Variants in ANKRD28 observed in about 807,000 individuals in gnomAD.
ANKRD28 encodes serine/threonine-protein phosphatase 6 regulatory ankyrin repeat subunit A.
A neutral mutation model predicts 126.5 loss-of-function variants in ANKRD28; 44 were observed. The observed-to-expected ratio is 0.35, with a 90% CI of 0.27 to 0.45. The LOEUF is 0.45. ANKRD28 is among the 20% of genes least tolerant of loss of function. The pLI, the probability that ANKRD28 is intolerant of heterozygous loss-of-function variation, is 1.00. For synonymous variants in ANKRD28, 442 were observed against 468.5 expected, an observed-to-expected ratio of 0.94 and a Z score of 0.73; for missense variants, 1,110 against 1,316.6, an observed-to-expected ratio of 0.84 and a Z score of 2.43.
At chr3:15,783,254 A>G (rs2059619266) in intron 2 of ANKRD28, among the ~76,000 whole-genome samples, 1 of 152,028 alleles carries the variant, frequency 6.6e-6, no homozygotes, top group South Asian at 2.1e-4. Context: ...TTGAAAAGAC[A>G]TTTCACCAAA....
chr3:15,784,408 AT>A (rs1237891945), intron 2 of ANKRD28, among the ~76,000 whole-genome samples: 2 of 151,930 alleles, frequency 1.3e-5, no homozygotes, highest in African/African-American at 4.8e-5. Flanking sequence ...TTGTTGTTAG[AT>A]CCTCATACTA....
chr3:15,810,908 C>A (rs1038838812), intron 1 of ANKRD28, among the ~76,000 whole-genome samples: 2 of 152,096 alleles, frequency 1.3e-5, no homozygotes, highest in African/African-American at 4.8e-5. Context: ...GTCATTTAAC[C>A]CATAACTCCT....
At chr3:15,803,748 T>C (rs2060517420) in intron 1 of ANKRD28, among the ~76,000 whole-genome samples, 1 of 116,784 alleles carries the variant, frequency 8.6e-6, no homozygotes, top group Admixed American at 8.5e-5. Context: ...CCAGTGCTTA[T>C]TGGAGTTTAA....
At chr3:15,705,123 G>GT (rs1247707424) in intron 14 of ANKRD28, among the ~76,000 whole-genome samples, 1 of 152,136 alleles carries the variant, frequency 6.6e-6, no homozygotes, top group Non-Finnish European at 1.5e-5. Context: ...ACTTTCCAGT[G>GT]TATCAGGCTG....
At chr3:15,726,293 C>A (rs897813691) in intron 6 of ANKRD28, among the ~76,000 whole-genome samples, 1 of 152,140 alleles carries the variant, frequency 6.6e-6, no homozygotes, top group African/African-American at 2.4e-5. Flanking sequence ...AAAGCTAGGC[C>A]TCCTGTGACA....
intron 1 of ANKRD28, among the ~76,000 whole-genome samples, chr3:15,828,175 G>C (rs1179953173): frequency 1.3e-5 from 2 of 152,168 alleles, no homozygotes; most frequent in African/African-American, 4.8e-5. Context: ...ATCACTTACA[G>C]ATCTGATGAA....
At chr3:15,856,986 G>GT (rs2061786177) in intron 1 of ANKRD28, among the ~76,000 whole-genome samples, 1 of 152,220 alleles carries the variant, frequency 6.6e-6, no homozygotes, top group African/African-American at 2.4e-5. Flanking sequence ...TTAGAAGTCT[G>GT]TATGTCCTTA....
chr3:15,744,599 G>A, intron 4 of ANKRD28, among the ~76,000 whole-genome samples: 1 of 152,086 alleles, frequency 6.6e-6, no homozygotes, highest in East Asian at 1.9e-4. Flanking sequence ...TTCCAGGCGT[G>A]AGCCACCGCG....
intron 2 of ANKRD28, among the ~76,000 whole-genome samples, chr3:15,786,605 T>C (rs1353136372): frequency 1.3e-5 from 2 of 152,128 alleles, no homozygotes; most frequent in East Asian, 1.9e-4. Context: ...TTTATATATA[T>C]GCAGTTTATT....
At position 15,670,264 on chromosome 3, in the gene ANKRD28, A is replaced by G. The variant is rs780891659; in HGVS notation, c.*6T>C. On this transcript the variant is annotated 3_prime_UTR_variant, in exon 28 of 28. Transcript: ENST00000683139. ...TTACTGTGAGAACTCCCTCCTCCTC[A>G]GCCTCTCAGTAGGTCTCAGAATCGG... The G allele has an allele frequency of 5.6e-6, 9 of 1,610,036 alleles. No individual in the cohort carries two copies. The highest frequency in any genetic ancestry group is 3.3e-5 in the Admixed American group (2 of 59,958).
At chr3:15,801,455 G>A (rs987834836), upstream of ANKRD28, among the ~76,000 whole-genome samples, 2 of 152,090 alleles carry the variant, frequency 1.3e-5, no homozygotes, top group African/African-American at 2.4e-5. This position sits in a 1 kb window ranked among gnomAD's most constrained non-coding sequence, Gnocchi z 4.9. Flanking sequence ...TGGCTACTCT[G>A]TGGCAAGTAA....
At chr3:15,829,931 T>A (rs1489193762) in intron 1 of ANKRD28, among the ~76,000 whole-genome samples, 1 of 150,746 alleles carries the variant, frequency 6.6e-6, no homozygotes, top group African/African-American at 2.4e-5. Flanking sequence ...AGTAAAAAGG[T>A]ATTCTATTAA....
In ANKRD28 at chr3:15,668,296, A is replaced by C. The variant is rs1009087586; in HGVS notation, c.*1974T>G. 1 of 152,174 alleles carries C rather than the reference A, an allele frequency of 6.6e-6. No homozygotes were observed. The highest frequency in any genetic ancestry group is 6.6e-5 in the Admixed American group (1 of 15,262). The allele number at this position is 152,174 out of a possible 1,614,324, so 9.4% of individuals were successfully genotyped here. ...TAGAAAATTCCCTCAGGGAATTCAG[A>C]AGAGAATTCCTAAAAGGAAAGAGAA... is the stretch of plus-strand genomic sequence containing the variant. On this transcript the variant is annotated 3_prime_UTR_variant, in exon 28 of 28. Transcript: ENST00000683139.
intron 1 of ANKRD28, among the ~76,000 whole-genome samples, chr3:15,835,610 A>G (rs184955387): frequency 2.8e-4 from 42 of 152,322 alleles, no homozygotes; most frequent in African/African-American, 9.9e-4. Flanking sequence ...TATAAGAATA[A>G]GGTTCAAGTC....
At chr3:15,696,084 T>G (rs1312576366) in intron 15 of ANKRD28, 50 bp downstream of exon 15, 4 of 1,237,168 alleles carry the variant, frequency 3.2e-6, no homozygotes, top group Non-Finnish European at 4.6e-6. Flanking sequence ...TGTTACATTA[T>G]TAGACTATAA....
chr3:15,816,326 G>T lies in ANKRD28; in HGVS notation c.28-21020C>A, dbSNP rs1448228106. 1.3e-5 allele frequency among the ~76,000 whole-genome samples: 2 copies of T among 152,006 alleles called. No individual in the cohort carries two copies. The highest frequency in any genetic ancestry group is 2.1e-4 in the South Asian group (1 of 4,826). On this transcript the variant is annotated intron_variant, in intron 1 of 27. Coordinates refer to the ANKRD28 transcript ENST00000399451. This position sits in a 1 kb window ranked among gnomAD's most constrained non-coding sequence, Gnocchi z 5.0. Reference sequence around the variant, plus strand: ...ATAACTATTTATATGCTAAATGCACGGAATATAGCAGTAAACACAAGAATA... The same window carrying T: ...ATAACTATTTATATGCTAAATGCACTGAATATAGCAGTAAACACAAGAATA...
intron 8 of ANKRD28, among the ~76,000 whole-genome samples, chr3:15,717,853 T>A (rs2470517): frequency 0.72 from 109,747 of 152,068 alleles, 39,805 homozygotes; most frequent in East Asian, 0.93. Flanking sequence ...AATGAATTTA[T>A]AACCTTAGAA....
chr3:15,675,478 T>G (rs560397076), intron 27 of ANKRD28, among the ~76,000 whole-genome samples: 54 of 152,212 alleles, frequency 3.5e-4, no homozygotes, highest in African/African-American at 1.3e-3. Context: ...GCGAAAAATG[T>G]TACTCCAGGA....
At chr3:15,732,471 ACAGAC>A (rs2074708096) in intron 6 of ANKRD28, 1 of 152,302 alleles carries the variant, frequency 6.6e-6, no homozygotes. Flanking sequence ...AGTGTTCATG[ACAGAC>A]ACACTTAACC....
Sources: allele counts gnomAD v4.1 joint callset (sites outside exome capture counted in the v4.1 genomes callset), GRCh38; gene constraint gnomAD v4.1.1; non-coding constraint Gnocchi (gnomAD v3.1); transcripts MANE v1.5; gene names NCBI Gene and HGNC (gene_info 2026-07-23, HGNC 2026-07-21).